TMEM265: variants seen among roughly 807,000 people sequenced by gnomAD.
The protein encoded by TMEM265 is transmembrane protein 265.
Under a neutral mutation model 9.5 loss-of-function variants are expected in TMEM265, and 8 were observed. That is an observed-to-expected ratio of 0.84 (90% CI 0.49 to 1.52). TMEM265 has a LOEUF of 1.52. Ranked by LOEUF, TMEM265 falls within the 40% of genes most tolerant of loss-of-function variation. The probability of loss-of-function intolerance (pLI) is 0.00; values close to 1 mark genes in which losing one functional copy is unlikely to be tolerated. For missense variants in TMEM265, 152 were observed against 146.2 expected, an observed-to-expected ratio of 1.04 and a Z score of -0.21; for synonymous variants, 53 against 56.9, an observed-to-expected ratio of 0.93 and a Z score of 0.31.
At position 30,744,116 on chromosome 16, in the gene TMEM265, G is replaced by A. The variant is rs1020689912; in HGVS notation, c.*173G>A. The A allele has an allele frequency of 8.2e-6, 6 of 728,032 alleles. No individual in the cohort carries two copies. The highest frequency in any genetic ancestry group is 1.3e-5 in the Non-Finnish European group (6 of 474,726). 45.1% of individuals were successfully genotyped at this position (728,032 alleles called of 1,614,324 possible). A position where few individuals can be genotyped will look rare whatever the true frequency, so the allele number is the denominator to read the frequency against. On this transcript the variant is annotated 3_prime_UTR_variant, in exon 3 of 3. Transcript: ENST00000615541. ...CCTTTATAAAAGGAGGGCAGCAGCT[G>A]AGACTGATGAGAGGAGGGCAGCCTG...
Position 30,744,245 on chromosome 16 carries a change from A to C in TMEM265, c.*302A>C. The C allele has an allele frequency of 1.5e-5, 4 of 270,950 alleles. No individual in the cohort carries two copies. Among genetic ancestry groups the C allele is most frequent in the Admixed American group, 5.2e-5 (1 of 19,126 alleles). The allele number at this position is 270,950 out of a possible 1,614,324, so 16.8% of individuals were successfully genotyped here. ...GAAGACCAGGCCTGGTTTTATTAGA[A>C]TTCATTTTGTAATAAAAGCCTTTTT... On this transcript the variant is annotated 3_prime_UTR_variant, in exon 3 of 3. Transcript: ENST00000615541.
rs185183997 is a variant in TMEM265 at position 30,742,129 on chromosome 16, C to T, written c.165+221C>T. Among the ~76,000 whole-genome samples the T allele has an allele frequency of 1.3e-3, 194 of 152,064 alleles. 2 individuals are homozygous for T. The highest frequency in any genetic ancestry group is 4.7e-4 in the Non-Finnish European group (32 of 68,004). On this transcript the variant is annotated intron_variant, in intron 2 of 2. Transcript: ENST00000615541. ...TTAATAGAATGCAGTTCATCAGTAC[C>T]GTAATACAGGAAGCACAGGACAGTG...
At position 30,743,793 on chromosome 16, in the gene TMEM265, G is replaced by T. The variant is rs1368718392; in HGVS notation, c.177G>T (p.Arg59=). Residue 59 remains arginine (R), a synonymous_variant, in exon 3 of 3, where the codon CGG becomes CGT. Coordinates refer to ENST00000615541, the MANE Select transcript of TMEM265 (RefSeq NM_001256829.2). ...ALVFAIKAEE[R]HKAGRSEEAV... ...ACCTGCCCCCACAGGCGGAAGAGCG[G>T]CATAAAGCAGGCCGGTCCGAGGAGG... 3 of 1,531,230 alleles carry T rather than the reference G, an allele frequency of 2.0e-6. No homozygotes were observed. The highest frequency in any genetic ancestry group is 2.6e-6 in the Non-Finnish European group (3 of 1,145,136). 94.9% of individuals were successfully genotyped at this position (1,531,230 alleles called of 1,614,324 possible). A position where few individuals can be genotyped will look rare whatever the true frequency, so the allele number is the denominator to read the frequency against.
rs192146045 is a variant in TMEM265, at chr16:30,745,157, C to A, written c.*1214C>A. ...CTTTATATAAATGGAATCATGTATT[C>A]TTTTCATGTTAACATTGTGAGATTC... On this transcript the variant is annotated 3_prime_UTR_variant, in exon 3 of 3. Coordinates refer to ENST00000615541, the MANE Select transcript of TMEM265 (RefSeq NM_001256829.2). The A allele has an allele frequency of 8.5e-5, 13 of 152,270 alleles. No homozygotes were observed. Among genetic ancestry groups the A allele is most frequent in the Admixed American group, 5.2e-4 (8 of 15,290 alleles). 9.4% of individuals were successfully genotyped at this position (152,270 alleles called of 1,614,324 possible).
chr16:30,741,450 C>T, intron 1 of TMEM265: 2 of 313,192 alleles, frequency 6.4e-6, no homozygotes, highest in Non-Finnish European at 1.2e-5. Flanking sequence ...TCGGTGTGCA[C>T]CTGTCATTTG....
At chr16:30,741,180 T>G (rs1002948620) in intron 1 of TMEM265, 27 of 152,306 alleles carry the variant, frequency 1.8e-4, no homozygotes, top group African/African-American at 6.5e-4. Flanking sequence ...AGTAAAGTCT[T>G]TCTGATGTTT....
At position 30,741,738 on chromosome 16, in the gene TMEM265, C is replaced by T; in HGVS notation, c.-3-3C>T. 6.5e-7 allele frequency: 1 copy of T among 1,532,842 alleles called. No homozygotes were observed. Among genetic ancestry groups the T allele is most frequent in the Non-Finnish European group, 8.7e-7 (1 of 1,145,824 alleles). 95.0% of individuals were successfully genotyped at this position (1,532,842 alleles called of 1,614,324 possible). A position where few individuals can be genotyped will look rare whatever the true frequency, so the allele number is the denominator to read the frequency against. ...TCACAAGTACCTTGACTATCGCCCA[C>T]AGGTGATGGAGGACGAGGAGAAGGC... On this transcript the variant is annotated splice_polypyrimidine_tract_variant and splice_region_variant and intron_variant, in intron 1 of 2. Coordinates refer to ENST00000615541, the MANE Select transcript of TMEM265 (RefSeq NM_001256829.2).
intron 1 of TMEM265, 120 bp from the exon 2 acceptor site, chr16:30,741,621 A>G (rs1377096285): frequency 1.8e-6 from 2 of 1,108,606 alleles, no homozygotes; most frequent in African/African-American, 1.6e-5. Flanking sequence ...CAGTAAGGCA[A>G]CATTCCTGAG....
intron 1 of TMEM265, 60 bp from the exon 2 acceptor site, chr16:30,741,681 A>G (rs2053226640): frequency 6.8e-7 from 1 of 1,479,078 alleles, no homozygotes; most frequent in African/African-American, 1.4e-5. Context: ...GTGGAGTCTG[A>G]GCAAGCAAGG....
chr16:30,741,282 T>C (rs1205436909), intron 1 of TMEM265: 2 of 153,404 alleles, frequency 1.3e-5, no homozygotes, highest in East Asian at 3.8e-4. Flanking sequence ...GCTGCTTTGC[T>C]TGAAACGGGT....
At chr16:30,742,641 A>G (rs2053232589) in intron 2 of TMEM265, among the ~76,000 whole-genome samples, 1 of 152,164 alleles carries the variant, frequency 6.6e-6, no homozygotes, top group Non-Finnish European at 1.5e-5. Flanking sequence ...GAAACAGCAC[A>G]TGTCCGCCGG....
In TMEM265 at chr16:30,744,175, C is replaced by T; in HGVS notation, c.*232C>T. 2.2e-6 allele frequency: 1 copy of T among 454,920 alleles called. No individual in the cohort carries two copies. Among genetic ancestry groups the T allele is most frequent in the Non-Finnish European group, 3.8e-6 (1 of 262,972 alleles). The allele number at this position is 454,920 out of a possible 1,614,324, so 28.2% of individuals were successfully genotyped here. A position where few individuals can be genotyped will look rare whatever the true frequency, so the allele number is the denominator to read the frequency against. ...TTTCAGGGCCCCCCACCCCCATCTC[C>T]CCTACCCTAGCCCACCCTAGGGCCT... On this transcript the variant is annotated 3_prime_UTR_variant, in exon 3 of 3. Transcript: ENST00000615541.
chr16:30,742,477 T>G (rs1261092136), intron 2 of TMEM265, among the ~76,000 whole-genome samples: 3 of 152,048 alleles, frequency 2.0e-5, no homozygotes, highest in Non-Finnish European at 4.4e-5. Flanking sequence ...TGGTCAGATT[T>G]GAGTTTTAGG....
chr16:30,741,012 A>G (rs559174853), intron 1 of TMEM265: 2 of 152,210 alleles, frequency 1.3e-5, no homozygotes, highest in Non-Finnish European at 2.9e-5. Context: ...TAGGGAGACA[A>G]GAAATGATTA....
chr16:30,742,746 T>G (rs1300822735), intron 2 of TMEM265, among the ~76,000 whole-genome samples: 1 of 151,308 alleles, frequency 6.6e-6, no homozygotes, highest in Non-Finnish European at 1.5e-5. Flanking sequence ...GCCAACATGG[T>G]AAAACCCCGT....
At chr16:30,740,954 TA>T (rs1380161915) in intron 1 of TMEM265, 1 of 152,116 alleles carries the variant, frequency 6.6e-6, no homozygotes, top group Non-Finnish European at 1.5e-5. Context: ...TGGTTGGAGA[TA>T]AGGGTAGAAA....
intron 2 of TMEM265, 115 bp from the exon 3 acceptor site, chr16:30,743,667 A>G: frequency 3.3e-6 from 4 of 1,227,784 alleles, no homozygotes; most frequent in Non-Finnish European, 1.1e-6. Flanking sequence ...AAAGGGAGGT[A>G]GAGGGTTTGG....
intron 1 of TMEM265, chr16:30,741,082 T>C (rs530138953): frequency 6.6e-6 from 1 of 152,386 alleles, no homozygotes; most frequent in South Asian, 2.1e-4. Context: ...CTCAGTGTAC[T>C]AGTCTGATTG....
chr16:30,744,950 A>T lies in TMEM265; in HGVS notation c.*1007A>T, dbSNP rs2053247790. 6.6e-6 allele frequency: 1 copy of T among 152,226 alleles called. No homozygotes were observed. Among genetic ancestry groups the T allele is most frequent in the Admixed American group, 6.5e-5 (1 of 15,284 alleles). 9.4% of individuals were successfully genotyped at this position (152,226 alleles called of 1,614,324 possible). A position where few individuals can be genotyped will look rare whatever the true frequency, so the allele number is the denominator to read the frequency against. On this transcript the variant is annotated 3_prime_UTR_variant, in exon 3 of 3. Transcript: ENST00000615541. ...ATACATATAGGAAAATACCCAAAAC[A>T]AGTATACAGTTCATTAACACAAAGC...
Sources: allele counts gnomAD v4.1 joint callset (sites outside exome capture counted in the v4.1 genomes callset), GRCh38; gene constraint gnomAD v4.1.1; transcripts MANE v1.5; gene names NCBI Gene and HGNC (gene_info 2026-07-23, HGNC 2026-07-21).